The following NAA30 variants were observed in gnomAD, a reference collection of about 807,000 sequenced individuals.
The protein encoded by NAA30 is N-alpha-acetyltransferase 30, NatC catalytic subunit.
Under a neutral mutation model 31.4 loss-of-function variants are expected in NAA30, and 5 were observed. That is an observed-to-expected ratio of 0.16 (90% CI 0.08 to 0.33). The LOEUF is 0.33. Ranked by LOEUF, NAA30 falls within the 10% of genes least tolerant of loss-of-function variation. The pLI is 1.00. For synonymous variants in NAA30, 222 were observed against 207.1 expected (o/e 1.07, Z -0.62); for missense variants, 428 against 490.8 (o/e 0.87, Z 1.21).
intron 4 of NAA30, 136 bp downstream of exon 4, chr14:57,400,019 T>A (rs1425331992): frequency 6.5e-6 from 3 of 461,252 alleles, no homozygotes; most frequent in African/African-American, 2.0e-5. Context: ...GAAAATTATA[T>A]TCCATTTAAA....
Position 57,392,016 on chromosome 14 carries a change from G to A in NAA30, c.771+288G>A, listed in dbSNP as rs183347152. 6.6e-3 allele frequency among the ~76,000 whole-genome samples: 1,011 copies of A among 152,282 alleles called. 10 individuals carry two copies. Among genetic ancestry groups the A allele is most frequent in the Non-Finnish European group, 9.6e-3 (653 of 68,020 alleles). On this transcript the variant is annotated intron_variant, in intron 2 of 4. Transcript: ENST00000556492. Reference sequence around the variant, plus strand: ...CTTGTTTACATTAGATTATAATCGTGTTTAACCGTCTTTAATTACCCGCCC... The same window carrying A: ...CTTGTTTACATTAGATTATAATCGTATTTAACCGTCTTTAATTACCCGCCC...
chr14:57,395,120 T>A (rs1184159891), intron 2 of NAA30, among the ~76,000 whole-genome samples: 2 of 152,290 alleles, frequency 1.3e-5, no homozygotes, highest in African/African-American at 4.8e-5. Context: ...GATTGATGTA[T>A]TGTGAGGGAA....
At chr14:57,395,357 A>G (rs1190064956) in intron 2 of NAA30, among the ~76,000 whole-genome samples, 1 of 152,210 alleles carries the variant, frequency 6.6e-6, no homozygotes, top group Non-Finnish European at 1.5e-5. Flanking sequence ...ACAGACTAAA[A>G]AAGTCACAAA....
At chr14:57,395,241 G>C (rs1198542645) in intron 2 of NAA30, among the ~76,000 whole-genome samples, 1 of 152,022 alleles carries the variant, frequency 6.6e-6, no homozygotes, top group Non-Finnish European at 1.5e-5. Flanking sequence ...TCCTTCAAAA[G>C]GATTTTTCCG....
At position 57,391,474 on chromosome 14, in the gene NAA30, A is replaced by G. The variant is rs1216005078; in HGVS notation, c.517A>G (p.Thr173Ala). 6.2e-7 allele frequency: 1 copy of G among 1,612,292 alleles called. No individual in the cohort carries two copies. Among genetic ancestry groups the G allele is most frequent in the East Asian group, 2.2e-5 (1 of 44,858 alleles). Residue 173 changes from threonine to alanine, a missense_variant, in exon 2 of 5, where the codon ACC becomes GCC. Physicochemically the swap from Thr to Ala is moderately conservative, Grantham distance 58. This residue lies in a region of NAA30 where 349 missense variants were observed against 310.4 expected (regional missense o/e 1.12). Coordinates refer to ENST00000556492, the MANE Select transcript of NAA30 (RefSeq NM_001011713.3). The surrounding 1 kb of genome is among the most constrained non-coding windows in gnomAD (Gnocchi z 4.1). ...GGCCCGCAATGGACTGGCCGAGGGC[A>G]CCGAGCAGGAGGAGGAGGAGGAAGA... Reference protein sequence around the residue: ...AAARNGLAEGTEQEEEEEDEQ... With the variant: ...AAARNGLAEGAEQEEEEEDEQ...
At position 57,412,946 on chromosome 14, in the gene NAA30, A is replaced by G. The variant is rs1327903333; in HGVS notation, c.*3430A>G. 1 of 152,108 alleles carries G rather than the reference A, an allele frequency of 6.6e-6. No individual in the cohort carries two copies. The highest frequency in any genetic ancestry group is 1.5e-5 in the Non-Finnish European group (1 of 68,020). 9.4% of individuals were successfully genotyped at this position (152,108 alleles called of 1,614,324 possible). ...CAAAGTAAATTTGAAAATAACATGA[A>G]CTTGATTTTTCTAAAAGTACTCAGT... On this transcript the variant is annotated 3_prime_UTR_variant, in exon 5 of 5. Coordinates refer to ENST00000556492, the MANE Select transcript of NAA30 (RefSeq NM_001011713.3).
chr14:57,398,050 A>C (rs2066458940), intron 3 of NAA30, among the ~76,000 whole-genome samples: 1 of 152,212 alleles, frequency 6.6e-6, no homozygotes, highest in African/African-American at 2.4e-5. Context: ...AAAAAAGTTT[A>C]ATACCTGTAC....
rs2066519948 is a variant in NAA30 at position 57,410,935 on chromosome 14, G to A, written c.*1419G>A. On this transcript the variant is annotated 3_prime_UTR_variant, in exon 5 of 5. Coordinates refer to ENST00000556492, the MANE Select transcript of NAA30 (RefSeq NM_001011713.3). ...TAGGAATCTGTTGTTGTTTTCATTT[G>A]AATATGCTCTACTTCTGCTCTAGTA... The A allele has an allele frequency of 6.6e-6, 1 of 152,366 alleles. No individual in the cohort carries two copies. Among genetic ancestry groups the A allele is most frequent in the Non-Finnish European group, 1.5e-5 (1 of 67,938 alleles). 9.4% of individuals were successfully genotyped at this position (152,366 alleles called of 1,614,324 possible). A position where few individuals can be genotyped will look rare whatever the true frequency, so the allele number is the denominator to read the frequency against.
rs533583495 is a variant in NAA30, at chr14:57,413,610, G to A, written c.*4094G>A. ...GGGTTCAAGCAATTCTTGTGCCTTA[G>A]CCTCCTGAGTAGCTGGGACTACAGG... On this transcript the variant is annotated 3_prime_UTR_variant, in exon 5 of 5. Coordinates refer to ENST00000556492, the MANE Select transcript of NAA30 (RefSeq NM_001011713.3). 2.6e-5 allele frequency: 4 copies of A among 152,374 alleles called. No homozygotes were observed. The highest frequency in any genetic ancestry group is 6.5e-5 in the Admixed American group (1 of 15,296). The allele number at this position is 152,374 out of a possible 1,614,324, so 9.4% of individuals were successfully genotyped here.
chr14:57,412,167 G>A lies in NAA30; in HGVS notation c.*2651G>A, dbSNP rs942459293. On this transcript the variant is annotated 3_prime_UTR_variant, in exon 5 of 5. Coordinates refer to ENST00000556492, the MANE Select transcript of NAA30 (RefSeq NM_001011713.3). ...TGTACATTGGGATGAAACTACTTTAGCAAAGTCCACAGATCAGAAACCAGA... is the reference window on the plus strand; with the variant it reads ...TGTACATTGGGATGAAACTACTTTAACAAAGTCCACAGATCAGAAACCAGA... 6.6e-6 allele frequency: 1 copy of A among 152,066 alleles called. No individual in the cohort carries two copies. The highest frequency in any genetic ancestry group is 6.6e-5 in the Admixed American group (1 of 15,262). The allele number at this position is 152,066 out of a possible 1,614,324, so 9.4% of individuals were successfully genotyped here.
chr14:57,402,765 C>T (rs1454957662), intron 4 of NAA30, among the ~76,000 whole-genome samples: 1 of 152,220 alleles, frequency 6.6e-6, no homozygotes. Flanking sequence ...GACAAATTAT[C>T]TGAAAATCTG....
intron 4 of NAA30, among the ~76,000 whole-genome samples, chr14:57,405,360 T>A (rs1041496544): frequency 1.3e-5 from 2 of 151,708 alleles, no homozygotes; most frequent in African/African-American, 4.8e-5. Flanking sequence ...GGTTACTTTT[T>A]ATCTTTTTAA....
intron 4 of NAA30, among the ~76,000 whole-genome samples, chr14:57,405,549 G>A (rs1251369529): frequency 6.6e-6 from 1 of 152,064 alleles, no homozygotes; most frequent in African/African-American, 2.4e-5. Context: ...GAGTAGTTTG[G>A]CCTAATAACT....
Position 57,404,117 on chromosome 14 carries a change from C to T in NAA30, c.951+4234C>T, listed in dbSNP as rs1024189548. Among the ~76,000 whole-genome samples the T allele has an allele frequency of 9.9e-5, 15 of 152,172 alleles. No homozygotes were observed. In the East Asian group the frequency reaches 1.9e-3, roughly 20 times the overall value. ...TGGGTGGATCACGAGGTCAGGAGTT[C>T]GAGACCAGCCTGGCCAATATGGTGA... On this transcript the variant is annotated intron_variant, in intron 4 of 4. Transcript: ENST00000556492.
chr14:57,391,046 C>G lies in NAA30; in HGVS notation c.89C>G (p.Pro30Arg). The G allele has an allele frequency of 6.6e-7, 1 of 1,511,832 alleles. No individual in the cohort carries two copies. Among genetic ancestry groups the G allele is most frequent in the South Asian group, 1.3e-5 (1 of 74,582 alleles). The allele number at this position is 1,511,832 out of a possible 1,614,324, so 93.7% of individuals were successfully genotyped here. A position where few individuals can be genotyped will look rare whatever the true frequency, so the allele number is the denominator to read the frequency against. ...PAAVEPRCPFPAGAALACCSE... is the reference protein window; with the variant it reads ...PAAVEPRCPFRAGAALACCSE... ...GCGGTCGAGCCCCGCTGTCCCTTCC[C>G]GGCGGGGGCCGCCCTCGCCTGCTGC... Residue 30 changes from proline (P) to arginine (R), a missense_variant, in exon 2 of 5, where the codon CCG (proline) becomes CGG (arginine). Pro to Arg is a moderately radical substitution (Grantham distance 103, BLOSUM62 -2). This residue lies in a region of NAA30 where 349 missense variants were observed against 310.4 expected (regional missense o/e 1.12). Transcript: ENST00000556492. The surrounding 1 kb of genome is among the most constrained non-coding windows in gnomAD (Gnocchi z 4.1).
Position 57,402,873 on chromosome 14 carries a change from G to A in NAA30, c.951+2990G>A, listed in dbSNP as rs562887749. ...TACAAAGAGAGAGATTTTAAAATCT[G>A]TGAACCTTTTAATAGAGGTACATTT... On this transcript the variant is annotated intron_variant, in intron 4 of 4. Transcript: ENST00000556492. 4.6e-5 allele frequency among the ~76,000 whole-genome samples: 7 copies of A among 152,302 alleles called. No homozygotes were observed. The South Asian group carries it at 6.2e-4, about 14-fold the overall frequency.
chr14:57,404,696 T>C (rs1027196894), intron 4 of NAA30, among the ~76,000 whole-genome samples: 2 of 152,170 alleles, frequency 1.3e-5, no homozygotes, highest in Non-Finnish European at 2.9e-5. Context: ...CTCAAAATCA[T>C]GGCAGAAGGC....
chr14:57,395,591 A>G (rs772899608), intron 2 of NAA30, among the ~76,000 whole-genome samples: 6 of 152,340 alleles, frequency 3.9e-5, no homozygotes, highest in East Asian at 3.9e-4. Context: ...AACATTTTCA[A>G]TGGTAACACT....
rs1293520301 is a variant in NAA30, at chr14:57,390,702, C to A, written c.-5C>A. ...GCGGCAGCGGCGGCGGGGACCCGTG[C>A]GGGGTGAGCCGTGAGGAGGGGCCGC... On this transcript the variant is annotated 5_prime_UTR_variant, in exon 1 of 5. Transcript: ENST00000556492. The A allele has an allele frequency of 5.1e-6, 2 of 392,704 alleles. No individual in the cohort carries two copies. Among genetic ancestry groups the A allele is most frequent in the East Asian group, 7.5e-5 (2 of 26,690 alleles). The allele number at this position is 392,704 out of a possible 1,614,324, so 24.3% of individuals were successfully genotyped here. A position where few individuals can be genotyped will look rare whatever the true frequency, so the allele number is the denominator to read the frequency against.
Sources: gnomAD v4.1 joint callset for allele counts (sites outside exome capture counted in the v4.1 genomes callset) on GRCh38, gnomAD v4.1.1 for gene constraint, gnomAD v4.1.1 regional missense constraint, Gnocchi (gnomAD v3.1) non-coding constraint, MANE v1.5 for transcripts, NCBI Gene and HGNC (gene_info 2026-07-23, HGNC 2026-07-21) for gene names.